CFAP20: variants seen among roughly 807,000 people sequenced by gnomAD.
CFAP20 encodes the protein cilia and flagella associated protein 20, also known as cilia- and flagella-associated protein 20.
CFAP20 carries 14 observed loss-of-function variants against 25.5 expected under a neutral mutation model. That is an observed-to-expected ratio of 0.55 (90% CI 0.36 to 0.86). CFAP20 has a LOEUF of 0.86. Ranked by LOEUF, CFAP20 falls within the 40% of genes least tolerant of loss-of-function variation. The pLI is 0.01. For synonymous variants in CFAP20, 75 were observed against 91.1 expected, an observed-to-expected ratio of 0.82 and a Z score of 1.01; for missense variants, 181 against 248.0, an observed-to-expected ratio of 0.73 and a Z score of 1.81.
intron 5 of CFAP20, among the ~76,000 whole-genome samples, chr16:58,114,294 G>A (rs546738198): frequency 4.6e-5 from 7 of 152,168 alleles, no homozygotes; most frequent in African/African-American, 9.7e-5. Flanking sequence ...TTGGGAGGCC[G>A]AGGCAGGCGG....
intron 1 of CFAP20, among the ~76,000 whole-genome samples, chr16:58,128,536 A>G (rs1243681773): frequency 6.6e-6 from 1 of 152,208 alleles, no homozygotes; most frequent in African/African-American, 2.4e-5. Flanking sequence ...GTGCCTGAAC[A>G]AAGGCTCTGT....
chr16:58,129,255 G>C lies in CFAP20; in HGVS notation c.-140C>G. 1 of 824,662 alleles carries C rather than the reference G, an allele frequency of 1.2e-6. No individual in the cohort carries two copies. The highest frequency in any genetic ancestry group is 1.9e-6 in the Non-Finnish European group (1 of 529,902). The allele number at this position is 824,662 out of a possible 1,614,324, so 51.1% of individuals were successfully genotyped here. A position where few individuals can be genotyped will look rare whatever the true frequency, so the allele number is the denominator to read the frequency against. ...GGTTGAGCTCCTGGCCTCCGGATCT[G>C]CAGCCACTGATGGCCGGACTCGGAC... is the stretch of plus-strand genomic sequence containing the variant. On this transcript the variant is annotated 5_prime_UTR_variant, in exon 1 of 6. Transcript: ENST00000262498.
chr16:58,128,995 C>T, intron 1 of CFAP20, 37 bp downstream of exon 1: 2 of 1,585,354 alleles, frequency 1.3e-6, no homozygotes, highest in African/African-American at 1.3e-5. Flanking sequence ...GGGGGTGCAG[C>T]CCCTCCACCC....
chr16:58,117,117 C>T, intron 1 of CFAP20, 166 bp from the exon 2 acceptor site: 1 of 573,840 alleles, frequency 1.7e-6, no homozygotes, highest in Admixed American at 3.3e-5. Flanking sequence ...CAGGGTCACA[C>T]CAACCACCAA....
intron 1 of CFAP20, among the ~76,000 whole-genome samples, chr16:58,122,962 T>G (rs1297975065): frequency 6.6e-6 from 1 of 152,130 alleles, no homozygotes; most frequent in Admixed American, 6.5e-5. Context: ...TTTTCATGAA[T>G]TAATGCAATC....
intron 1 of CFAP20, among the ~76,000 whole-genome samples, chr16:58,118,524 A>AG (rs1398893718): frequency 6.7e-6 from 1 of 150,196 alleles, no homozygotes; most frequent in Non-Finnish European, 1.5e-5. Flanking sequence ...AAAAAAAAAA[A>AG]CAAAACCAAA....
chr16:58,115,212 T>A (rs942686898), intron 4 of CFAP20, 57 bp downstream of exon 4: 33 of 1,599,890 alleles, frequency 2.1e-5, no homozygotes, highest in Non-Finnish European at 2.7e-5. Context: ...CAAGCCAATA[T>A]TAGACGCAGT....
chr16:58,121,683 T>G (rs1434946228), intron 1 of CFAP20, among the ~76,000 whole-genome samples: 3 of 152,128 alleles, frequency 2.0e-5, no homozygotes, highest in Admixed American at 2.0e-4. Flanking sequence ...GACCAAAGCT[T>G]CAGGCCAGTC....
chr16:58,116,074 T>C lies in CFAP20; in HGVS notation c.243A>G (p.Lys81=). ...IKLPFLVMII[K]NLKKYFTFEV... Reference sequence around the variant, plus strand: ...CGAAGGTAAAATACTTCTTCAGGTTTTTGATAATCATGACAAGGAAAGGAA... The same window carrying C: ...CGAAGGTAAAATACTTCTTCAGGTTCTTGATAATCATGACAAGGAAAGGAA... The change falls in exon 3 of 6, where the codon AAA becomes AAG. Residue 81 remains lysine, a synonymous_variant. Coordinates refer to ENST00000262498, the MANE Select transcript of CFAP20 (RefSeq NM_013242.3). 6.2e-7 allele frequency: 1 copy of C among 1,613,442 alleles called. No individual in the cohort carries two copies. The highest frequency in any genetic ancestry group is 8.5e-7 in the Non-Finnish European group (1 of 1,179,358).
chr16:58,121,900 TC>T (rs1960539463), intron 1 of CFAP20, among the ~76,000 whole-genome samples: 1 of 152,124 alleles, frequency 6.6e-6, no homozygotes, highest in South Asian at 2.1e-4. Context: ...ATCCATTCCC[TC>T]CCCCAACTTT....
At chr16:58,117,827 G>A (rs1015870221) in intron 1 of CFAP20, among the ~76,000 whole-genome samples, 1 of 152,320 alleles carries the variant, frequency 6.6e-6, no homozygotes. Context: ...CTCCCCTGGA[G>A]TTATCCTGCT....
chr16:58,114,381 T>C (rs1354267903), intron 5 of CFAP20, among the ~76,000 whole-genome samples: 3 of 151,920 alleles, frequency 2.0e-5, no homozygotes, highest in South Asian at 2.1e-4. Flanking sequence ...TAAAAATTAG[T>C]TGGGCATGGT....
At chr16:58,119,818 C>T (rs1960508562) in intron 1 of CFAP20, among the ~76,000 whole-genome samples, 1 of 149,466 alleles carries the variant, frequency 6.7e-6, no homozygotes, top group Non-Finnish European at 1.5e-5. Flanking sequence ...CTACTGTTCC[C>T]AACCTAAGTG....
chr16:58,122,630 A>G (rs1250214568), intron 1 of CFAP20, among the ~76,000 whole-genome samples: 1 of 152,214 alleles, frequency 6.6e-6, no homozygotes, highest in Non-Finnish European at 1.5e-5. Context: ...GTTCAATTAC[A>G]GTAAAACCTG....
rs57272078 is a variant in CFAP20 at position 58,114,525 on chromosome 16, C to CAAAAAAAAAAAA, written c.576+273_576+284dup. 3.8e-4 allele frequency among the ~76,000 whole-genome samples: 49 copies of CAAAAAAAAAAAA among 128,996 alleles called. 1 individual carries two copies. The highest frequency in any genetic ancestry group is 8.1e-4 in the South Asian group (3 of 3,686). The allele number at this position is 128,996 out of a possible 152,430, so 84.6% of individuals were successfully genotyped here. ...TGGGCAACAGGGCAAGACTCCATCTCAAAAAAAAAAAAAAGTTAAGATATT... is the reference window on the plus strand; with the variant it reads ...TGGGCAACAGGGCAAGACTCCATCTCAAAAAAAAAAAAAAAAAAAAAAAAAAGTTAAGATATT... On this transcript the variant is annotated intron_variant, in intron 5 of 5. Transcript: ENST00000262498.
chr16:58,123,297 C>T (rs1423299482), intron 1 of CFAP20, among the ~76,000 whole-genome samples: 7 of 140,082 alleles, frequency 5.0e-5, no homozygotes, highest in African/African-American at 1.8e-4. Context: ...AGGATTACTA[C>T]CATTAAGACC....
chr16:58,123,313 T>C (rs1370074835), intron 1 of CFAP20, among the ~76,000 whole-genome samples: 14 of 135,168 alleles, frequency 1.0e-4, no homozygotes, highest in South Asian at 8.1e-4. Flanking sequence ...AGACCGAAAA[T>C]TGGCTGGGCG....
chr16:58,118,019 T>C (rs996790334), intron 1 of CFAP20, among the ~76,000 whole-genome samples: 6 of 152,218 alleles, frequency 3.9e-5, no homozygotes, highest in Non-Finnish European at 7.3e-5. Flanking sequence ...TCATCCTACA[T>C]TGTTTTGTAT....
At position 58,116,050 on chromosome 16, in the gene CFAP20, G is replaced by T; in HGVS notation, c.267C>A (p.Phe89Leu). ...ATGTACACATACTTACCTGCACTTC[G>T]AAGGTAAAATACTTCTTCAGGTTTT... is the stretch of plus-strand genomic sequence containing the variant. ...IIKNLKKYFT[F>L]EVQVLDDKNV... The change falls in exon 3 of 6, where the codon TTC becomes TTA. Residue 89 changes from phenylalanine (F) to leucine (L), a missense_variant. Coordinates refer to ENST00000262498, the MANE Select transcript of CFAP20 (RefSeq NM_013242.3). The T allele has an allele frequency of 6.2e-7, 1 of 1,605,408 alleles. No individual in the cohort carries two copies. Among genetic ancestry groups the T allele is most frequent in the Non-Finnish European group, 8.5e-7 (1 of 1,172,160 alleles).
Sources: allele counts gnomAD v4.1 joint callset (sites outside exome capture counted in the v4.1 genomes callset), GRCh38; gene constraint gnomAD v4.1.1; transcripts MANE v1.5; gene names NCBI Gene and HGNC (gene_info 2026-07-23, HGNC 2026-07-21).